The following QSOX2 variants were observed in gnomAD, a reference collection of about 807,000 sequenced individuals.
QSOX2 encodes quiescin sulfhydryl oxidase 2.
In QSOX2, 46 loss-of-function variants were observed where a neutral mutation model predicts 61.7. That is an observed-to-expected ratio of 0.75 (90% CI 0.59 to 0.95). The LOEUF (loss-of-function observed/expected upper bound fraction) is 0.95, where lower values mean the gene tolerates loss of function less well. Ranked by LOEUF, QSOX2 falls within the 40% of genes least tolerant of loss-of-function variation. The probability of loss-of-function intolerance (pLI) is 0.00; values close to 1 mark genes in which losing one functional copy is unlikely to be tolerated. For synonymous variants in QSOX2, 383 were observed against 388.4 expected, an observed-to-expected ratio of 0.99 and a Z score of 0.16; for missense variants, 879 against 918.9, an observed-to-expected ratio of 0.96 and a Z score of 0.56.
Position 136,223,673 on chromosome 9 carries a change from A to G in QSOX2, c.675+90T>C. 1 of 954,378 alleles carries G rather than the reference A, an allele frequency of 1.0e-6. No individual in the cohort carries two copies. The highest frequency in any genetic ancestry group is 1.5e-5 in the South Asian group (1 of 68,562). 59.1% of individuals were successfully genotyped at this position (954,378 alleles called of 1,614,324 possible). A position where few individuals can be genotyped will look rare whatever the true frequency, so the allele number is the denominator to read the frequency against. ...CAGACAGGACACGAGATGCCGACAC[A>G]GTGACCGGCACCTGCAAATCTCATC... On this transcript the variant is annotated intron_variant, in intron 5 of 11. Transcript: ENST00000358701. This position sits in a 1 kb window ranked among gnomAD's most constrained non-coding sequence, Gnocchi z 4.4.
At chr9:136,241,308 G>A (rs1304687101) in intron 1 of QSOX2, among the ~76,000 whole-genome samples, 1 of 152,204 alleles carries the variant, frequency 6.6e-6, no homozygotes, top group African/African-American at 2.4e-5. Context: ...CGGGCCGTCA[G>A]CCCCGCCAAA....
In QSOX2 at chr9:136,216,672, C is replaced by T. The variant is rs765026509; in HGVS notation, c.1137G>A (p.Glu379=). Residue 379 remains glutamate (E), a synonymous_variant, in exon 9 of 12, where the codon GAG becomes GAA. Transcript: ENST00000358701. ...TGTCCAGGGGAAGGCTGGCCAGCCA[C>T]TCCTGCAGCATCTCCAACAGCTTCT... ...PVKKLLEMLQ[E]WLASLPLDRI... 1.2e-6 allele frequency: 2 copies of T among 1,613,982 alleles called. No homozygotes were observed. The highest frequency in any genetic ancestry group is 1.7e-6 in the Non-Finnish European group (2 of 1,180,012).
chr9:136,216,761 A>T (rs772070490), intron 8 of QSOX2, 39 bp from the exon 9 acceptor site: 1 of 1,609,136 alleles, frequency 6.2e-7, no homozygotes, highest in South Asian at 1.1e-5. Flanking sequence ...TACAGACCCA[A>T]ACCCGGGCCC....
At chr9:136,237,305 C>T (rs1396204291) in intron 1 of QSOX2, among the ~76,000 whole-genome samples, 5 of 141,376 alleles carry the variant, frequency 3.5e-5, no homozygotes, top group African/African-American at 1.3e-4. Context: ...ACCTGGTGCC[C>T]GTCCTGCGCC....
chr9:136,245,583 GC>G lies in QSOX2; in HGVS notation c.220del (p.Ala74ProfsTer99). 6.3e-7 allele frequency: 1 copy of G among 1,576,564 alleles called. No individual in the cohort carries two copies. On this transcript the variant is annotated frameshift_variant, in exon 1 of 12. Transcript: ENST00000358701. LOFTEE classifies it high-confidence loss of function. The stretch of plus-strand genomic sequence containing the variant: ...CCACGCGGCCGAGCTGTTGGCGGTG[GC>G]CCCGCGCACGCTGCCGCTGTCCAGC... ...WVLDSGSVRG[A>X]TANSSAAWLV...
intron 1 of QSOX2, 27 bp from the exon 2 acceptor site, chr9:136,226,901 T>C (rs1474040181): frequency 2.5e-6 from 4 of 1,602,740 alleles, no homozygotes; most frequent in East Asian, 2.2e-5. Context: ...TGACCTTCAG[T>C]GTGGTGAGCA....
chr9:136,206,437 A>G lies in QSOX2; in HGVS notation c.*2291T>C, dbSNP rs1427710759. ...GGTAAGAAATTTCACTGACATTTCC[A>G]TGTCAATTAGCTTCTTTTTAATAAA... On this transcript the variant is annotated 3_prime_UTR_variant, in exon 12 of 12. Coordinates refer to ENST00000358701, the MANE Select transcript of QSOX2 (RefSeq NM_181701.4). The G allele has an allele frequency of 6.6e-6, 1 of 152,644 alleles. No homozygotes were observed. Among genetic ancestry groups the G allele is most frequent in the African/African-American group, 2.4e-5 (1 of 41,460 alleles). 9.5% of individuals were successfully genotyped at this position (152,644 alleles called of 1,614,324 possible).
intron 1 of QSOX2, among the ~76,000 whole-genome samples, chr9:136,230,745 G>A (rs1329217864): frequency 1.3e-5 from 2 of 152,160 alleles, no homozygotes; most frequent in African/African-American, 4.8e-5. Context: ...CTAACATTCT[G>A]AACCGAGCTG....
chr9:136,213,322 C>A (rs1831871221), intron 10 of QSOX2, among the ~76,000 whole-genome samples: 1 of 144,098 alleles, frequency 6.9e-6, no homozygotes, highest in Non-Finnish European at 1.5e-5. Context: ...TGGCTCACTG[C>A]AACCTCCAGT....
At chr9:136,216,434 G>A (rs1322496663) in intron 9 of QSOX2, among the ~76,000 whole-genome samples, 166 bp downstream of exon 9, 1 of 152,262 alleles carries the variant, frequency 6.6e-6, no homozygotes, top group Non-Finnish European at 1.5e-5. Context: ...TGCCAAGGCA[G>A]ACAGGAGGCC....
chr9:136,235,302 G>A (rs955198035), intron 1 of QSOX2, among the ~76,000 whole-genome samples: 4 of 152,354 alleles, frequency 2.6e-5, no homozygotes, highest in East Asian at 3.9e-4. Flanking sequence ...ACGTCCCCAC[G>A]ACGGCCACAC....
In QSOX2 at chr9:136,209,036, G is replaced by T. The variant is rs201225826; in HGVS notation, c.1789C>A (p.Pro597Thr). 6.5e-5 allele frequency: 105 copies of T among 1,614,096 alleles called. No individual in the cohort carries two copies. In the East Asian group the frequency reaches 2.2e-3, roughly 34 times the overall value. Residue 597 changes from proline (P) to threonine (T), a missense_variant, in exon 12 of 12, where the codon CCA becomes ACA. By Grantham distance (38) the Pro-to-Thr change is conservative. Transcript: ENST00000358701. This position sits in a 1 kb window ranked among gnomAD's most constrained non-coding sequence, Gnocchi z 5.6. ...TCTCGGTCTCCATGGGACACCTCTG[G>T]GGGAGTGAGTCTTTTCTCCTCTTCC... ...GEEEEKRLTP[P>T]EVSHGDRDTQ...
intron 9 of QSOX2, 80 bp from the exon 10 acceptor site, chr9:136,215,384 T>A: frequency 1.1e-6 from 1 of 885,928 alleles, no homozygotes; most frequent in Non-Finnish European, 1.5e-6. Flanking sequence ...GCTGCCTTCT[T>A]GACTGGGGGG....
intron 1 of QSOX2, among the ~76,000 whole-genome samples, chr9:136,230,697 G>A (rs1410744500): frequency 3.9e-5 from 6 of 152,196 alleles, no homozygotes; most frequent in Non-Finnish European, 5.9e-5. Context: ...TCCATGATAA[G>A]CCAGTAAACA....
rs557920716 is a variant in QSOX2, at chr9:136,222,631, G to T, written c.676-690C>A. Among the ~76,000 whole-genome samples the T allele has an allele frequency of 2.0e-5, 3 of 152,282 alleles. No homozygotes were observed. In the East Asian group the frequency reaches 5.8e-4, roughly 29 times the overall value. On this transcript the variant is annotated intron_variant, in intron 5 of 11. Transcript: ENST00000358701. This position sits in a 1 kb window ranked among gnomAD's most constrained non-coding sequence, Gnocchi z 6.9. ...CTGCGAAGAGCTGATCGCTACTCTGGGGCCACACTGGTCTCTGCTCTGGGC... is the reference window on the plus strand; with the variant it reads ...CTGCGAAGAGCTGATCGCTACTCTGTGGCCACACTGGTCTCTGCTCTGGGC...
Position 136,209,535 on chromosome 9 carries a change from C to G in QSOX2, c.1550-260G>C, listed in dbSNP as rs1055802307. 2 of 985,278 alleles carry G rather than the reference C, an allele frequency of 2.0e-6. No individual in the cohort carries two copies. Among genetic ancestry groups the G allele is most frequent in the East Asian group, 1.1e-4 (1 of 8,770 alleles). 61.0% of individuals were successfully genotyped at this position (985,278 alleles called of 1,614,324 possible). On this transcript the variant is annotated intron_variant, in intron 11 of 11. Transcript: ENST00000358701. The surrounding 1 kb of genome is among the most constrained non-coding windows in gnomAD (Gnocchi z 5.6). The stretch of plus-strand genomic sequence containing the variant: ...AGCCTGCAAGTGAGGAGACGCTACA[C>G]GCTCGGCCTCCGCCACTTCCCAGAC...
chr9:136,208,799 T>C lies in QSOX2; in HGVS notation c.2026A>G (p.Met676Val). 2 of 1,613,902 alleles carry C rather than the reference T, an allele frequency of 1.2e-6. No homozygotes were observed. The highest frequency in any genetic ancestry group is 8.5e-7 in the Non-Finnish European group (1 of 1,180,000). ...VLYVASSLFL[M>V]VMYFFFRVRS... is the part of the protein sequence containing the mutation. ...ACCCGGAAGAAGAAGTACATCACCA[T>C]GAGGAACAGGGATGAAGCCACGTAC... Residue 676 changes from methionine (M) to valine (V), a missense_variant, in exon 12 of 12, where the codon ATG (methionine) becomes GTG (valine). Physicochemically the swap from Met to Val is conservative, Grantham distance 21. Coordinates refer to ENST00000358701, the MANE Select transcript of QSOX2 (RefSeq NM_181701.4).
At chr9:136,232,364 A>AT (rs891086615) in intron 1 of QSOX2, among the ~76,000 whole-genome samples, 3 of 152,230 alleles carry the variant, frequency 2.0e-5, no homozygotes, top group East Asian at 1.9e-4. Context: ...AAATACGCAC[A>AT]TTTTTTCAAC....
In QSOX2 at chr9:136,208,950, C is replaced by T. The variant is rs760037609; in HGVS notation, c.1875G>A (p.Leu625=). 6.2e-7 allele frequency: 1 copy of T among 1,613,650 alleles called. No individual in the cohort carries two copies. The highest frequency in any genetic ancestry group is 1.1e-5 in the South Asian group (1 of 91,048). Residue 625 remains leucine, a synonymous_variant, in exon 12 of 12, where the codon TTG becomes TTA. Coordinates refer to ENST00000358701, the MANE Select transcript of QSOX2 (RefSeq NM_181701.4). ...GGAGTTTCCCGTCCAAGCTGTGATG[C>T]AAGCTCTCTGGAAGGGCAGGCCTGG... ...LGPRPALPES[L]HHSLDGKLQS... is the part of the protein sequence containing the mutation.
Sources: allele counts gnomAD v4.1 joint callset (sites outside exome capture counted in the v4.1 genomes callset), GRCh38; gene constraint gnomAD v4.1.1; non-coding constraint Gnocchi (gnomAD v3.1); transcripts MANE v1.5; gene names NCBI Gene and HGNC (gene_info 2026-07-23, HGNC 2026-07-21).